SLC2A3: variants seen among roughly 807,000 people sequenced by gnomAD.
SLC2A3 encodes the protein solute carrier family 2 member 3.
In SLC2A3, 21 loss-of-function variants were observed where a neutral mutation model predicts 46.4. That is an observed-to-expected ratio of 0.45 (90% CI 0.32 to 0.65). The LOEUF (loss-of-function observed/expected upper bound fraction) is 0.65. Among genes scored for constraint, SLC2A3 ranks in the 30% least tolerant of loss-of-function variants. The probability of loss-of-function intolerance (pLI) is 0.04; values close to 1 mark genes in which losing one functional copy is unlikely to be tolerated. For missense variants in SLC2A3, 499 were observed against 623.3 expected (o/e 0.80, Z 2.12); for synonymous variants, 213 against 239.4 (o/e 0.89, Z 1.02).
intron 9 of SLC2A3, 79 bp downstream of exon 9, chr12:7,922,742 C>A: frequency 1.3e-6 from 2 of 1,581,108 alleles, no homozygotes; most frequent in East Asian, 2.2e-5. Context: ...CCATGCCAGG[C>A]CCAGACTACT....
chr12:7,927,860 G>T (rs1382855626), intron 6 of SLC2A3, among the ~76,000 whole-genome samples: 1 of 152,122 alleles, frequency 6.6e-6, no homozygotes, highest in Non-Finnish European at 1.5e-5. Flanking sequence ...GAGGTGGGTG[G>T]ATCACCTGAG....
chr12:7,924,948 ACAGGT>A (rs1946079079), intron 7 of SLC2A3, among the ~76,000 whole-genome samples: 1 of 152,220 alleles, frequency 6.6e-6, no homozygotes, highest in African/African-American at 2.4e-5. Flanking sequence ...TTGTCCAATC[ACAGGT>A]CAGAACAGTT....
intron 1 of SLC2A3, 135 bp from the exon 2 acceptor site, chr12:7,934,037 G>A: frequency 1.3e-6 from 1 of 747,160 alleles, no homozygotes; most frequent in South Asian, 2.0e-5. Flanking sequence ...TGAGATTTAG[G>A]TAATTAATGG....
intron 6 of SLC2A3, among the ~76,000 whole-genome samples, chr12:7,928,011 C>T (rs953709880): frequency 1.3e-5 from 2 of 152,000 alleles, no homozygotes; most frequent in Non-Finnish European, 2.9e-5. Flanking sequence ...GAGTCTGAGG[C>T]AGGAGAATCA....
In SLC2A3 at chr12:7,920,527, T is replaced by C. The variant is rs1305939110; in HGVS notation, c.*886A>G. 2 of 152,168 alleles carry C rather than the reference T, an allele frequency of 1.3e-5. 1 individual carries two copies. Among genetic ancestry groups the C allele is most frequent in the African/African-American group, 4.8e-5 (2 of 41,438 alleles). 9.4% of individuals were successfully genotyped at this position (152,168 alleles called of 1,614,324 possible). On this transcript the variant is annotated 3_prime_UTR_variant, in exon 10 of 10. Coordinates refer to ENST00000075120, the MANE Select transcript of SLC2A3 (RefSeq NM_006931.3). ...AAGTACTACTACATGTAAACTATTATCTTAAAGAAAAAAGCTCCAAAGGAA... is the reference window on the plus strand; with the variant it reads ...AAGTACTACTACATGTAAACTATTACCTTAAAGAAAAAAGCTCCAAAGGAA...
intron 1 of SLC2A3, among the ~76,000 whole-genome samples, chr12:7,935,287 T>C (rs375621811): frequency 1.3e-5 from 2 of 152,164 alleles, no homozygotes; most frequent in South Asian, 2.1e-4. Context: ...ACCCCGTCTC[T>C]ACTAAAAATA....
intron 3 of SLC2A3, 39 bp from the exon 4 acceptor site, chr12:7,931,524 T>A: frequency 1.2e-6 from 2 of 1,612,246 alleles, no homozygotes; most frequent in Middle Eastern, 1.7e-4. Flanking sequence ...ATTAGCAAAG[T>A]GAGAGGCTCC....
intron 3 of SLC2A3, among the ~76,000 whole-genome samples, chr12:7,931,922 C>T (rs1327944386): frequency 2.7e-5 from 4 of 150,104 alleles, no homozygotes; most frequent in African/African-American, 4.9e-5. Flanking sequence ...TGGTCTGTCA[C>T]CCAGGCTGGA....
chr12:7,931,178 A>T (rs1946151818), intron 4 of SLC2A3, 67 bp downstream of exon 4: 3 of 1,594,192 alleles, frequency 1.9e-6, no homozygotes, highest in Non-Finnish European at 2.6e-6. Context: ...TCAGTGCTTT[A>T]CCTATGTTAA....
chr12:7,923,960 G>A (rs1003090995), intron 8 of SLC2A3, among the ~76,000 whole-genome samples: 11 of 151,104 alleles, frequency 7.3e-5, no homozygotes, highest in African/African-American at 1.9e-4. Flanking sequence ...TAGAGACGGG[G>A]TTTCTCCATG....
intron 5 of SLC2A3, 96 bp from the exon 6 acceptor site, chr12:7,929,967 A>G (rs1946134996): frequency 1.9e-6 from 3 of 1,545,800 alleles, no homozygotes; most frequent in Non-Finnish European, 2.6e-6. Context: ...GCACGAGGTG[A>G]GGTGATGGGT....
intron 3 of SLC2A3, 80 bp from the exon 4 acceptor site, chr12:7,931,565 C>A: frequency 6.4e-7 from 1 of 1,552,030 alleles, no homozygotes; most frequent in Non-Finnish European, 8.7e-7. Flanking sequence ...TTATTCTGTT[C>A]TTCTCCAGGC....
At chr12:7,930,728 A>G in intron 4 of SLC2A3, 86 bp from the exon 5 acceptor site, 1 of 1,354,296 alleles carries the variant, frequency 7.4e-7, no homozygotes. Flanking sequence ...AGAAAATCAT[A>G]CATTCTTTTA....
In SLC2A3 at chr12:7,921,175, T is replaced by C. The variant is rs1350358881; in HGVS notation, c.*238A>G. The C allele has an allele frequency of 8.2e-6, 7 of 858,152 alleles. No individual in the cohort carries two copies. Among genetic ancestry groups the C allele is most frequent in the Admixed American group, 5.1e-5 (2 of 39,290 alleles). 53.2% of individuals were successfully genotyped at this position (858,152 alleles called of 1,614,324 possible). ...GCCAAGCGGCCAATCCCTCCTGAAA[T>C]GAAGGTAGGTTCACTCGGTCTCTCC... On this transcript the variant is annotated 3_prime_UTR_variant, in exon 10 of 10. Transcript: ENST00000075120.
At chr12:7,929,989 CTT>C (rs375573140) in intron 5 of SLC2A3, 118 bp from the exon 6 acceptor site, 3,291 of 1,185,370 alleles carry the variant, frequency 2.8e-3, no homozygotes, top group South Asian at 4.8e-3. Flanking sequence ...GCATCCATTC[CTT>C]TTTTTTTTTT....
rs57892237 is a variant in SLC2A3, at chr12:7,926,310, C to T, written c.862-362G>A. 2.9e-3 allele frequency among the ~76,000 whole-genome samples: 444 copies of T among 152,068 alleles called. 3 individuals are homozygous for T. Among genetic ancestry groups the T allele is most frequent in the African/African-American group, 0.01 (418 of 41,484 alleles). On this transcript the variant is annotated intron_variant, in intron 6 of 9. Transcript: ENST00000075120. The stretch of plus-strand genomic sequence containing the variant: ...TTCACCTTGTTGGCCAGGCTGGTCT[C>T]GTACTCCTGACCTCAAGTGACCTGC...
rs778746290 is a variant in SLC2A3, at chr12:7,924,069, A to G, written c.1068+341T>C. On this transcript the variant is annotated intron_variant, in intron 8 of 9. Coordinates refer to ENST00000075120, the MANE Select transcript of SLC2A3 (RefSeq NM_006931.3). ...AGGCGTGAGCCACCGCGCCCAGCTGAGGATTGAATTTTTCAATCCCATCTA... is the reference window on the plus strand; with the variant it reads ...AGGCGTGAGCCACCGCGCCCAGCTGGGGATTGAATTTTTCAATCCCATCTA... 1.1e-4 allele frequency among the ~76,000 whole-genome samples: 16 copies of G among 152,226 alleles called. No homozygotes were observed. In the East Asian group the frequency reaches 3.1e-3, roughly 29 times the overall value.
intron 1 of SLC2A3, among the ~76,000 whole-genome samples, chr12:7,934,727 T>C (rs780661608): frequency 3.5e-4 from 53 of 151,750 alleles, no homozygotes; most frequent in African/African-American, 1.2e-3. Flanking sequence ...ACCTTTCATA[T>C]CTTAAACTCC....
At position 7,921,380 on chromosome 12, in the gene SLC2A3, C is replaced by T; in HGVS notation, c.*33G>A. 6.2e-7 allele frequency: 1 copy of T among 1,613,734 alleles called. No homozygotes were observed. Among genetic ancestry groups the T allele is most frequent in the Non-Finnish European group, 8.5e-7 (1 of 1,179,694 alleles). On this transcript the variant is annotated 3_prime_UTR_variant, in exon 10 of 10. Transcript: ENST00000075120. ...CCTTGTTGAGGGAGAGGTGGCTTTC[C>T]CATGCCGGGAGGGAGGTGGAAGGAG...
Sources: allele counts gnomAD v4.1 joint callset (sites outside exome capture counted in the v4.1 genomes callset), GRCh38; gene constraint gnomAD v4.1.1; transcripts MANE v1.5; gene names NCBI Gene and HGNC (gene_info 2026-07-23, HGNC 2026-07-21).